Variants in FERMT2 observed in about 807,000 individuals in gnomAD.
The protein encoded by FERMT2 is fermitin family homolog 2.
Under a neutral mutation model 82.7 loss-of-function variants are expected in FERMT2, and 15 were observed. That is an observed-to-expected ratio of 0.18 (90% CI 0.12 to 0.28). The LOEUF (loss-of-function observed/expected upper bound fraction) is 0.28, where lower values mean the gene tolerates loss of function less well. Ranked by LOEUF, FERMT2 falls within the 10% of genes least tolerant of loss-of-function variation. The probability of loss-of-function intolerance (pLI) is 1.00; values close to 1 mark genes in which losing one functional copy is unlikely to be tolerated. For synonymous variants in FERMT2, 274 were observed against 271.5 expected (o/e 1.01, Z -0.09); for missense variants, 645 against 809.4 (o/e 0.80, Z 2.46).
chr14:52,927,882 C>T (rs1417616901), intron 2 of FERMT2: 1 of 219,612 alleles, frequency 4.6e-6, no homozygotes, highest in African/African-American at 2.2e-5. Flanking sequence ...TCAGTTCTGC[C>T]TCATCTAAAC....
intron 4 of FERMT2, among the ~76,000 whole-genome samples, chr14:52,882,364 C>T (rs1886348717): frequency 1.3e-5 from 2 of 151,992 alleles, no homozygotes; most frequent in African/African-American, 2.4e-5. Flanking sequence ...CCTTATTTAT[C>T]TTCTGATTTC....
At chr14:52,940,233 CAGAT>C (rs1272585756) in intron 2 of FERMT2, among the ~76,000 whole-genome samples, 2 of 151,958 alleles carry the variant, frequency 1.3e-5, no homozygotes, top group African/African-American at 4.8e-5. Flanking sequence ...ATCTAAATGA[CAGAT>C]AATTAAGTCT....
chr14:52,948,713 A>G lies in FERMT2; in HGVS notation c.157+1699T>C, dbSNP rs1363868713. The G allele has an allele frequency of 1.2e-5, 4 of 336,364 alleles. No individual in the cohort carries two copies. The East Asian group carries it at 3.3e-4, about 28-fold the overall frequency. The allele number at this position is 336,364 out of a possible 1,614,324, so 20.8% of individuals were successfully genotyped here. A position where few individuals can be genotyped will look rare whatever the true frequency, so the allele number is the denominator to read the frequency against. ...TGTGATTCTATAATAAACAGTCCTA[A>G]GCAATGCAAAATAAATATAGAAACC... On this transcript the variant is annotated intron_variant, in intron 2 of 14. Coordinates refer to ENST00000341590, the MANE Select transcript of FERMT2 (RefSeq NM_006832.3).
chr14:52,859,962 C>T (rs530908616), intron 13 of FERMT2: 8 of 281,346 alleles, frequency 2.8e-5, no homozygotes, highest in South Asian at 1.9e-4. Context: ...GGACTACAGG[C>T]GCCCACCACC....
chr14:52,876,566 C>T (rs1885967623), intron 7 of FERMT2, among the ~76,000 whole-genome samples: 1 of 152,158 alleles, frequency 6.6e-6, no homozygotes, highest in African/African-American at 2.4e-5. Flanking sequence ...TTAAAAAATC[C>T]AGCTTTGCTT....
At chr14:52,878,490 A>G (rs1886101388) in intron 7 of FERMT2, 92 bp downstream of exon 7, 12 of 783,690 alleles carry the variant, frequency 1.5e-5, no homozygotes, top group Non-Finnish European at 2.1e-5. Context: ...GTCTCGTGAA[A>G]TGTTACTGGA....
At chr14:52,934,064 T>C (rs1236972684) in intron 2 of FERMT2, among the ~76,000 whole-genome samples, 1 of 152,228 alleles carries the variant, frequency 6.6e-6, no homozygotes, top group Middle Eastern at 3.2e-3. Flanking sequence ...AATTCATTTA[T>C]GTAACTAATT....
intron 4 of FERMT2, among the ~76,000 whole-genome samples, chr14:52,883,737 G>T (rs1886422635): frequency 6.6e-6 from 1 of 152,196 alleles, no homozygotes; most frequent in African/African-American, 2.4e-5. Context: ...GGAGGTGACT[G>T]AATCACAGGG....
intron 2 of FERMT2, among the ~76,000 whole-genome samples, chr14:52,936,032 T>C (rs1160401236): frequency 6.6e-6 from 1 of 152,338 alleles, no homozygotes; most frequent in South Asian, 2.1e-4. Flanking sequence ...GGCTGGCTTA[T>C]TGCTAATTTG....
intron 2 of FERMT2, among the ~76,000 whole-genome samples, chr14:52,930,806 A>G (rs1212410357): frequency 6.6e-6 from 1 of 152,218 alleles, no homozygotes; most frequent in Non-Finnish European, 1.5e-5. Flanking sequence ...ATGTGTAAAG[A>G]CAGGGCCTAC....
chr14:52,921,663 G>A (rs1451806522), intron 2 of FERMT2, among the ~76,000 whole-genome samples: 1 of 152,072 alleles, frequency 6.6e-6, no homozygotes, highest in African/African-American at 2.4e-5. Context: ...CTGTTGAGCT[G>A]AACTGAATGA....
At chr14:52,887,162 GT>G (rs1399343532) in intron 4 of FERMT2, among the ~76,000 whole-genome samples, 2 of 149,344 alleles carry the variant, frequency 1.3e-5, no homozygotes, top group Admixed American at 1.3e-4. Flanking sequence ...TTGAGATGGA[GT>G]CTCGCTCTGT....
Position 52,858,371 on chromosome 14 carries a change from T to C in FERMT2, c.*6A>G. The C allele has an allele frequency of 6.2e-7, 1 of 1,612,304 alleles. No homozygotes were observed. Among genetic ancestry groups the C allele is most frequent in the Non-Finnish European group, 8.5e-7 (1 of 1,178,386 alleles). On this transcript the variant is annotated 3_prime_UTR_variant, in exon 15 of 15. Transcript: ENST00000341590. Reference sequence around the variant, plus strand: ...GCCGTGGAGTTTCATTAAACAGTATTCCTATTCACACCCAACCACTGGTAA... The same window carrying C: ...GCCGTGGAGTTTCATTAAACAGTATCCCTATTCACACCCAACCACTGGTAA...
chr14:52,934,120 C>T (rs1889726330), intron 2 of FERMT2, among the ~76,000 whole-genome samples: 1 of 151,952 alleles, frequency 6.6e-6, no homozygotes, highest in East Asian at 1.9e-4. Context: ...AAGCAGAGAC[C>T]AGAACTAATA....
intron 3 of FERMT2, among the ~76,000 whole-genome samples, chr14:52,913,363 G>A (rs778977764): frequency 5.3e-5 from 8 of 152,238 alleles, no homozygotes; most frequent in African/African-American, 1.4e-4. Context: ...ATGGATGAGC[G>A]CTCTCACTGG....
intron 6 of FERMT2, among the ~76,000 whole-genome samples, chr14:52,879,917 T>C (rs917727430): frequency 3.3e-5 from 5 of 152,140 alleles, no homozygotes; most frequent in African/African-American, 9.7e-5. Context: ...CCAATCATAG[T>C]AAAGACAAGT....
intron 2 of FERMT2, among the ~76,000 whole-genome samples, chr14:52,920,542 G>A (rs899583364): frequency 5.3e-5 from 8 of 152,170 alleles, no homozygotes; most frequent in African/African-American, 1.2e-4. Context: ...GCTGAGGTAG[G>A]AGGATCACTT....
chr14:52,860,421 C>T lies in FERMT2; in HGVS notation c.1647G>A (p.Met549Ile). 6.2e-7 allele frequency: 1 copy of T among 1,613,620 alleles called. No homozygotes were observed. Among genetic ancestry groups the T allele is most frequent in the Non-Finnish European group, 8.5e-7 (1 of 1,179,640 alleles). The change falls in exon 13 of 15, where the codon ATG (methionine) becomes ATA (isoleucine). Residue 549 changes from methionine (M) to isoleucine (I), a missense_variant. By Grantham distance (10) the Met-to-Ile change is conservative (BLOSUM62 1). Coordinates refer to ENST00000341590, the MANE Select transcript of FERMT2 (RefSeq NM_006832.3). The part of the protein sequence containing the change: ...ILEAHQNVAQ[M>I]SLIEAKMRFI... The stretch of plus-strand genomic sequence containing the variant: ...ATCTCATCTTGGCTTCAATTAGACT[C>T]ATCTGAGCTACATTCTGATGGGCCT...
chr14:52,901,017 T>A (rs1404798365), intron 3 of FERMT2, among the ~76,000 whole-genome samples: 1 of 149,950 alleles, frequency 6.7e-6, no homozygotes, highest in Non-Finnish European at 1.5e-5. Context: ...TCCTAGCACT[T>A]TGGGAGGCCG....
Sources: allele counts gnomAD v4.1 joint callset (sites outside exome capture counted in the v4.1 genomes callset), GRCh38; gene constraint gnomAD v4.1.1; transcripts MANE v1.5; gene names NCBI Gene and HGNC (gene_info 2026-07-23, HGNC 2026-07-21).